Variants in CDH13 observed in about 807,000 individuals in gnomAD.
CDH13 encodes cadherin-13.
In CDH13, 24 loss-of-function variants were observed where a neutral mutation model predicts 63.8. The observed-to-expected ratio is 0.38, with a 90% CI of 0.27 to 0.53. The LOEUF is 0.53. Ranked by LOEUF, CDH13 falls within the 20% of genes least tolerant of loss-of-function variation. CDH13 has a pLI of 0.85. For synonymous variants in CDH13, 503 were observed against 355.3 expected (o/e 1.42, Z -4.67); for missense variants, 1,049 against 903.1 (o/e 1.16, Z -2.07).
intron 5 of CDH13, among the ~76,000 whole-genome samples, chr16:83,316,407 C>G (rs901074794): frequency 2.0e-5 from 3 of 152,152 alleles, no homozygotes; most frequent in Admixed American, 2.0e-4. Flanking sequence ...CCTGGATTTC[C>G]AGCATCATAA....
intron 10 of CDH13, among the ~76,000 whole-genome samples, chr16:83,747,010 C>G (rs1194229664): frequency 1.3e-5 from 2 of 152,168 alleles, no homozygotes; most frequent in Non-Finnish European, 2.9e-5. Flanking sequence ...TTTCTCAAAA[C>G]TCATTAACTT....
At chr16:83,722,350 G>A (rs1909807475) in intron 10 of CDH13, among the ~76,000 whole-genome samples, 1 of 152,178 alleles carries the variant, frequency 6.6e-6, no homozygotes, top group African/African-American at 2.4e-5. Context: ...GGGGATCCCT[G>A]TTATTCGTAG....
chr16:83,730,605 C>G (rs1048998954), intron 10 of CDH13, among the ~76,000 whole-genome samples: 9 of 152,160 alleles, frequency 5.9e-5, no homozygotes, highest in African/African-American at 1.9e-4. Flanking sequence ...GAACTGGGTA[C>G]AAAGGATCAC....
At chr16:82,744,715 G>A (rs2034082727) in intron 1 of CDH13, among the ~76,000 whole-genome samples, 1 of 152,172 alleles carries the variant, frequency 6.6e-6, no homozygotes, top group Non-Finnish European at 1.5e-5. Context: ...GCACTGCAGT[G>A]AATACTTCTA....
At chr16:82,882,745 T>G (rs2040751234) in intron 2 of CDH13, among the ~76,000 whole-genome samples, 1 of 152,072 alleles carries the variant, frequency 6.6e-6, no homozygotes, top group Admixed American at 6.6e-5. Context: ...ATACAAAATC[T>G]GGTATTTAAT....
intron 6 of CDH13, among the ~76,000 whole-genome samples, chr16:83,358,612 T>C (rs1229146765): frequency 1.3e-5 from 2 of 152,168 alleles, no homozygotes; most frequent in African/African-American, 4.8e-5. Context: ...CAGTAAAAAT[T>C]AGAGCCCAGA....
In CDH13 at chr16:83,371,528, A is replaced by G. The variant is rs144282131; in HGVS notation, c.781+26522A>G. On this transcript the variant is annotated intron_variant, in intron 6 of 13. Transcript: ENST00000567109. ...TGTGAAAGATAATTTTAGGTGGCAT[A>G]GAGGTGATCTTTTATAATTTTAATA... Among the ~76,000 whole-genome samples, 378 of 152,366 alleles carry G rather than the reference A, an allele frequency of 2.5e-3. 2 individuals carry two copies. Among genetic ancestry groups the G allele is most frequent in the African/African-American group, 8.5e-3 (352 of 41,584 alleles).
intron 5 of CDH13, among the ~76,000 whole-genome samples, chr16:83,296,697 TTAA>T (rs1337979482): frequency 6.6e-6 from 1 of 152,056 alleles, no homozygotes; most frequent in African/African-American, 2.4e-5. Context: ...ACAGGCAGGG[TTAA>T]TGATTTCATA....
chr16:83,482,291 AC>A (rs2073788859), intron 6 of CDH13, among the ~76,000 whole-genome samples: 1 of 152,104 alleles, frequency 6.6e-6, no homozygotes, highest in Non-Finnish European at 1.5e-5. Context: ...AACAGTCTAT[AC>A]CCTCCAAGAG....
At chr16:83,281,688 C>G (rs188845890) in intron 5 of CDH13, among the ~76,000 whole-genome samples, 2 of 151,308 alleles carry the variant, frequency 1.3e-5, no homozygotes, top group Non-Finnish European at 2.9e-5. Flanking sequence ...GTGTGCAGAT[C>G]ACTTGAGGTC....
intron 11 of CDH13, among the ~76,000 whole-genome samples, chr16:83,751,762 A>T (rs1913105744): frequency 6.6e-6 from 1 of 152,266 alleles, no homozygotes; most frequent in Non-Finnish European, 1.5e-5. Flanking sequence ...GCTTATACTG[A>T]ACATGAGCTA....
intron 6 of CDH13, among the ~76,000 whole-genome samples, chr16:83,351,365 A>C (rs911278885): frequency 6.6e-5 from 10 of 151,494 alleles, no homozygotes; most frequent in Middle Eastern, 3.2e-3. Context: ...AAGAAAATGC[A>C]GTCACTCTCC....
chr16:83,361,817 TA>T (rs1233290530), intron 6 of CDH13, among the ~76,000 whole-genome samples: 1 of 152,202 alleles, frequency 6.6e-6, no homozygotes, highest in Non-Finnish European at 1.5e-5. Flanking sequence ...CATGCTGTTT[TA>T]GTTACCGTAT....
intron 5 of CDH13, among the ~76,000 whole-genome samples, chr16:83,296,414 A>G (rs1046431143): frequency 1.3e-5 from 2 of 152,302 alleles, no homozygotes; most frequent in South Asian, 4.1e-4. Context: ...ATAGGAGTTC[A>G]TGGTAGGGAA....
At chr16:83,215,501 GA>G (rs59699629) in intron 4 of CDH13, among the ~76,000 whole-genome samples, 126,316 of 148,170 alleles carry the variant, frequency 0.85, 55,200 homozygotes, top group East Asian at 0.99. Flanking sequence ...TTTTTAATCG[GA>G]AAAAAAAAAA....
chr16:83,455,661 C>T (rs761961463), intron 6 of CDH13, among the ~76,000 whole-genome samples: 58 of 152,192 alleles, frequency 3.8e-4, no homozygotes, highest in Non-Finnish European at 7.5e-4. Context: ...GAACCTTGAG[C>T]TTTGCAATTT....
chr16:83,559,532 T>C (rs1231676767), intron 7 of CDH13, among the ~76,000 whole-genome samples: 1 of 150,474 alleles, frequency 6.6e-6, no homozygotes, highest in Non-Finnish European at 1.5e-5. Context: ...GATCATGTCA[T>C]TGCACTCCAG....
chr16:83,007,071 G>T (rs887411433), intron 2 of CDH13, among the ~76,000 whole-genome samples: 6 of 152,010 alleles, frequency 3.9e-5, no homozygotes, highest in Admixed American at 3.9e-4. Context: ...TTACAGGCAT[G>T]CACCACGCCC....
intron 1 of CDH13, among the ~76,000 whole-genome samples, chr16:82,857,632 T>C (rs2039757144): frequency 6.6e-6 from 1 of 152,166 alleles, no homozygotes; most frequent in East Asian, 1.9e-4. Context: ...TTGAAAGCAA[T>C]TGTAAATTTT....
Sources: gnomAD v4.1 joint callset for allele counts (sites outside exome capture counted in the v4.1 genomes callset) on GRCh38, gnomAD v4.1.1 for gene constraint, MANE v1.5 for transcripts, NCBI Gene and HGNC (gene_info 2026-07-23, HGNC 2026-07-21) for gene names.